ZYG11A: variants seen among roughly 807,000 people sequenced by gnomAD.
ZYG11A encodes protein zyg-11 homolog A.
A neutral mutation model predicts 77.2 loss-of-function variants in ZYG11A; 62 were observed. The observed-to-expected ratio is 0.80, with a 90% CI of 0.65 to 0.99. The LOEUF (loss-of-function observed/expected upper bound fraction) is 0.99. ZYG11A is among the 50% of genes least tolerant of loss of function. ZYG11A has a pLI of 0.00. For missense variants in ZYG11A, 828 were observed against 896.8 expected, an observed-to-expected ratio of 0.92 and a Z score of 0.98; for synonymous variants, 315 against 324.6, an observed-to-expected ratio of 0.97 and a Z score of 0.32.
intron 1 of ZYG11A, among the ~76,000 whole-genome samples, chr1:52,843,396 G>C (rs1417787681): frequency 6.6e-6 from 1 of 152,008 alleles, no homozygotes; most frequent in African/African-American, 2.4e-5. Flanking sequence ...CGCAAACCTT[G>C]ACCGTTTCCC....
intron 8 of ZYG11A, among the ~76,000 whole-genome samples, chr1:52,875,798 T>C (rs1646251248): frequency 6.6e-6 from 1 of 151,034 alleles, no homozygotes; most frequent in African/African-American, 2.4e-5. Flanking sequence ...AGTATGTTGA[T>C]GCAAATGCAA....
chr1:52,877,244 A>C (rs1425344846), intron 8 of ZYG11A, among the ~76,000 whole-genome samples: 1 of 152,058 alleles, frequency 6.6e-6, no homozygotes, highest in Non-Finnish European at 1.5e-5. Flanking sequence ...TACCCTTCCT[A>C]AAGCCTCAAT....
chr1:52,880,912 T>G (rs1646352529), intron 10 of ZYG11A, among the ~76,000 whole-genome samples: 1 of 152,210 alleles, frequency 6.6e-6, no homozygotes, highest in Non-Finnish European at 1.5e-5. Context: ...ATGCTGAGAC[T>G]CCTGCCCCAC....
At position 52,842,846 on chromosome 1, in the gene ZYG11A, G is replaced by A. The variant is rs767262932; in HGVS notation, c.-38G>A. The A allele has an allele frequency of 1.4e-5, 22 of 1,520,406 alleles. No individual in the cohort carries two copies. The African/African-American group carries it at 3.0e-4, about 21-fold the overall frequency. The allele number at this position is 1,520,406 out of a possible 1,614,324, so 94.2% of individuals were successfully genotyped here. On this transcript the variant is annotated 5_prime_UTR_variant, in exon 1 of 14. Transcript: ENST00000371528. The stretch of plus-strand genomic sequence containing the variant: ...CGCGGGATCCGGGCTCCGGCTCGAC[G>A]CCGGCTCTCTTTTTGACGCCCCGCC...
intron 10 of ZYG11A, among the ~76,000 whole-genome samples, chr1:52,878,900 CTGCACTCCAAT>C (rs1646309105): frequency 6.9e-6 from 1 of 144,728 alleles, no homozygotes; most frequent in South Asian, 2.2e-4. Flanking sequence ...GATCGTGCCA[CTGCACTCCAAT>C]TGCACTCCAG....
intron 1 of ZYG11A, among the ~76,000 whole-genome samples, chr1:52,849,009 G>A (rs1645652265): frequency 6.6e-6 from 1 of 152,128 alleles, no homozygotes; most frequent in African/African-American, 2.4e-5. Context: ...ATAAGACGTT[G>A]TCCTTATTAT....
intron 1 of ZYG11A, among the ~76,000 whole-genome samples, chr1:52,847,872 A>AT (rs1558157041): frequency 3.8e-5 from 3 of 79,294 alleles, no homozygotes; most frequent in Admixed American, 2.3e-4. Flanking sequence ...TTATTTATTT[A>AT]TTTATTTATT....
At chr1:52,869,963 G>GCCCC (rs1646117143) in intron 8 of ZYG11A, among the ~76,000 whole-genome samples, 1 of 109,284 alleles carries the variant, frequency 9.2e-6, no homozygotes, top group African/African-American at 3.6e-5. Flanking sequence ...GCGGGGGGCT[G>GCCCC]ACCCCCCCCC....
At chr1:52,887,167 G>T (rs1282078585) in intron 13 of ZYG11A, 114 bp downstream of exon 13, 2 of 445,926 alleles carry the variant, frequency 4.5e-6, no homozygotes. Flanking sequence ...CTGAATTTAG[G>T]TGTGTTTAAA....
chr1:52,858,147 AG>A (rs1370908608), intron 3 of ZYG11A, among the ~76,000 whole-genome samples: 2 of 150,236 alleles, frequency 1.3e-5, no homozygotes, highest in African/African-American at 4.9e-5. Context: ...CTGTAATCCC[AG>A]CACTTTGGGA....
chr1:52,845,399 G>C (rs754530443), intron 1 of ZYG11A, among the ~76,000 whole-genome samples: 19 of 149,208 alleles, frequency 1.3e-4, no homozygotes, highest in Non-Finnish European at 2.2e-4. Flanking sequence ...TCCGCCTCCC[G>C]GGTTCAAGCG....
intron 1 of ZYG11A, among the ~76,000 whole-genome samples, chr1:52,848,561 C>A (rs1397845624): frequency 6.6e-6 from 1 of 152,130 alleles, no homozygotes; most frequent in Non-Finnish European, 1.5e-5. Flanking sequence ...CAGTCTTGAG[C>A]TCTGGTCTCA....
In ZYG11A at chr1:52,843,016, C is replaced by T. The variant is rs147715946; in HGVS notation, c.90+43C>T. 1.9e-4 allele frequency: 286 copies of T among 1,467,646 alleles called. No individual in the cohort carries two copies. The African/African-American group carries it at 3.8e-3, about 20-fold the overall frequency. 90.9% of individuals were successfully genotyped at this position (1,467,646 alleles called of 1,614,324 possible). On this transcript the variant is annotated intron_variant, in intron 1 of 13. Coordinates refer to ENST00000371528, the MANE Select transcript of ZYG11A (RefSeq NM_001004339.3). ...GGCGGCGACGCGGACCTCGGCGCCA[C>T]GTCCAGCTCCGGCGAGCGCGGCGAG...
chr1:52,851,688 C>T (rs1233760702), intron 1 of ZYG11A, among the ~76,000 whole-genome samples: 3 of 152,022 alleles, frequency 2.0e-5, no homozygotes, highest in African/African-American at 7.2e-5. Flanking sequence ...GCGTGAGCCA[C>T]CATGCCCGGC....
intron 8 of ZYG11A, among the ~76,000 whole-genome samples, chr1:52,876,153 ATAG>A (rs1463612244): frequency 6.6e-6 from 1 of 152,210 alleles, no homozygotes; most frequent in Non-Finnish European, 1.5e-5. Context: ...GAATTAGGAA[ATAG>A]TAGTCTTTGG....
chr1:52,886,564 G>A (rs2150022066), intron 12 of ZYG11A, among the ~76,000 whole-genome samples: 1 of 151,888 alleles, frequency 6.6e-6, no homozygotes, highest in East Asian at 1.9e-4. Context: ...GTCTCTCTCT[G>A]TTGCCCAGGC....
chr1:52,863,887 C>T lies in ZYG11A; in HGVS notation c.1150-94C>T, dbSNP rs1645973182. 3.1e-5 allele frequency: 37 copies of T among 1,187,118 alleles called. No individual in the cohort carries two copies. The South Asian group carries it at 5.5e-4, about 18-fold the overall frequency. The allele number at this position is 1,187,118 out of a possible 1,614,324, so 73.5% of individuals were successfully genotyped here. On this transcript the variant is annotated intron_variant, in intron 4 of 13. Coordinates refer to ENST00000371528, the MANE Select transcript of ZYG11A (RefSeq NM_001004339.3). ...GGATAGGGAAAATCTGTTCCTGTCC[C>T]AATAAACGAAGATTTGTGCCAATCA...
At chr1:52,848,989 G>C (rs577563542) in intron 1 of ZYG11A, among the ~76,000 whole-genome samples, 3 of 152,278 alleles carry the variant, frequency 2.0e-5, no homozygotes, top group African/African-American at 7.2e-5. Flanking sequence ...CAGTTTTATA[G>C]GTTCCAAGTA....
In ZYG11A at chr1:52,847,693, C is replaced by T. The variant is rs1338755262; in HGVS notation, c.90+4720C>T. 8.3e-5 allele frequency among the ~76,000 whole-genome samples: 12 copies of T among 145,238 alleles called. No individual in the cohort carries two copies. In the South Asian group the frequency reaches 1.1e-3, roughly 13 times the overall value. On this transcript the variant is annotated intron_variant, in intron 1 of 13. Transcript: ENST00000371528. Reference sequence around the variant, plus strand: ...TGTTTTTTTTTTTTTTTCCTTGGGACGGAGTCTCGCTCTGTTTCCAGGCTG... The same window carrying T: ...TGTTTTTTTTTTTTTTTCCTTGGGATGGAGTCTCGCTCTGTTTCCAGGCTG...
Sources: gnomAD v4.1 joint callset for allele counts (sites outside exome capture counted in the v4.1 genomes callset) on GRCh38, gnomAD v4.1.1 for gene constraint, MANE v1.5 for transcripts, NCBI Gene and HGNC (gene_info 2026-07-23, HGNC 2026-07-21) for gene names.